The following NPFFR1 variants were observed in gnomAD, a reference collection of about 807,000 sequenced individuals.
NPFFR1 encodes neuropeptide FF receptor 1.
In NPFFR1, 17 loss-of-function variants were observed where a neutral mutation model predicts 12.7. That is an observed-to-expected ratio of 1.34 (90% confidence interval 0.92 to 2.01). The LOEUF (loss-of-function observed/expected upper bound fraction) is 2.01. Ranked by LOEUF, NPFFR1 falls within the 30% of genes most tolerant of loss-of-function variation. The pLI is 0.00. For synonymous variants in NPFFR1, 296 were observed against 264.5 expected, an observed-to-expected ratio of 1.12 and a Z score of -1.16; for missense variants, 604 against 606.5, an observed-to-expected ratio of 1.00 and a Z score of 0.04.
rs183621840 is a variant in NPFFR1 at position 70,276,683 on chromosome 10, G to A, written c.7+6987C>T. Among the ~76,000 whole-genome samples the A allele has an allele frequency of 3.2e-4, 48 of 150,646 alleles. No homozygotes were observed. In the East Asian group the frequency reaches 8.1e-3, roughly 25 times the overall value. ...GTTCACTGCAACCTTCACCTCCCGG[G>A]TTCAAGCAATGCTCCTTCCTCAGCC... On this transcript the variant is annotated intron_variant, in intron 1 of 3. Transcript: ENST00000277942.
At chr10:70,259,472 A>AGTT (rs530041895) in intron 3 of NPFFR1, among the ~76,000 whole-genome samples, 1,611 of 152,272 alleles carry the variant, frequency 0.011, 15 homozygotes, top group Non-Finnish European at 0.013. Context: ...CACTGGGAGA[A>AGTT]GTTGTACACT....
chr10:70,255,674 G>A lies in NPFFR1; in HGVS notation c.576C>T (p.Asp192=), dbSNP rs560814381. ...VTREEHHFMV[D]ARNRSYPLYS... is the part of the protein sequence containing the mutation. ...AGAGCGGGTAGGAGCGGTTGCGGGC[G>A]TCCACCATGAAGTGGTGCTCCTCAC... is the stretch of plus-strand genomic sequence containing the variant. The change falls in exon 4 of 4, where the codon GAC becomes GAT. Residue 192 remains aspartate (D), a synonymous_variant. Coordinates refer to ENST00000277942, the MANE Select transcript of NPFFR1 (RefSeq NM_022146.5). The surrounding 1 kb of genome is among the most constrained non-coding windows in gnomAD (Gnocchi z 4.2). 1.2e-6 allele frequency: 2 copies of A among 1,602,696 alleles called. No homozygotes were observed. Among genetic ancestry groups the A allele is most frequent in the South Asian group, 1.1e-5 (1 of 88,972 alleles).
rs565040322 is a variant in NPFFR1, at chr10:70,259,307, G to A, written c.422+1333C>T. On this transcript the variant is annotated intron_variant, in intron 3 of 3. Coordinates refer to ENST00000277942, the MANE Select transcript of NPFFR1 (RefSeq NM_022146.5). ...TCCCCCCTCAAAAAAAAAAAAGAAA[G>A]AAAGAAAGAAAAAGAAATCTCCAGA... Among the ~76,000 whole-genome samples the A allele has an allele frequency of 6.0e-5, 9 of 149,254 alleles. No homozygotes were observed. In the South Asian group the frequency reaches 8.4e-4, roughly 14 times the overall value.
At chr10:70,272,416 G>A (rs1320489752) in intron 1 of NPFFR1, among the ~76,000 whole-genome samples, 1 of 152,212 alleles carries the variant, frequency 6.6e-6, no homozygotes, top group Admixed American at 6.5e-5. Flanking sequence ...CTCTTCCTGA[G>A]AGGCTGCCAG....
intron 3 of NPFFR1, among the ~76,000 whole-genome samples, chr10:70,259,631 T>C (rs1840613470): frequency 6.6e-6 from 1 of 152,088 alleles, no homozygotes; most frequent in African/African-American, 2.4e-5. Context: ...AAAACTGGGC[T>C]TGAGGTGGAG....
intron 1 of NPFFR1, among the ~76,000 whole-genome samples, chr10:70,273,188 G>A (rs923736054): frequency 1.3e-5 from 2 of 152,148 alleles, no homozygotes; most frequent in African/African-American, 4.8e-5. Flanking sequence ...TCTCTACAGG[G>A]TGGTAGGGAA....
chr10:70,253,516 T>C lies in NPFFR1; in HGVS notation c.*1441A>G, dbSNP rs1264106845. On this transcript the variant is annotated 3_prime_UTR_variant, in exon 4 of 4. Coordinates refer to ENST00000277942, the MANE Select transcript of NPFFR1 (RefSeq NM_022146.5). Reference sequence around the variant, plus strand: ...TCAATCTCCTTCAACCTCATTACTATGGATTAAATGAGACGGTGTCTGGGG... The same window carrying C: ...TCAATCTCCTTCAACCTCATTACTACGGATTAAATGAGACGGTGTCTGGGG... The C allele has an allele frequency of 6.6e-6, 1 of 152,118 alleles. No individual in the cohort carries two copies. Among genetic ancestry groups the C allele is most frequent in the African/African-American group, 2.4e-5 (1 of 41,406 alleles). 9.4% of individuals were successfully genotyped at this position (152,118 alleles called of 1,614,324 possible). A position where few individuals can be genotyped will look rare whatever the true frequency, so the allele number is the denominator to read the frequency against.
At chr10:70,278,818 A>G (rs1840831190) in intron 1 of NPFFR1, among the ~76,000 whole-genome samples, 1 of 152,206 alleles carries the variant, frequency 6.6e-6, no homozygotes, top group South Asian at 2.1e-4. Context: ...TATTTAGTAA[A>G]ACGTGCACAC....
intron 1 of NPFFR1, among the ~76,000 whole-genome samples, chr10:70,273,876 G>C (rs541743044): frequency 6.6e-6 from 1 of 152,216 alleles, no homozygotes; most frequent in Admixed American, 6.5e-5. Context: ...GTCATCCATG[G>C]ACCTCCTGGG....
rs190406165 is a variant in NPFFR1, at chr10:70,248,844, A to T, written c.*6113T>A. On this transcript the variant is annotated 3_prime_UTR_variant, in exon 4 of 4. Transcript: ENST00000277942. ...TTTTGAGTTAACCAGAAATTTAATT[A>T]TTGAAATTCAATAGCATTTTGATAT... 1 of 152,144 alleles carries T rather than the reference A, an allele frequency of 6.6e-6. No individual in the cohort carries two copies. The highest frequency in any genetic ancestry group is 2.1e-4 in the South Asian group (1 of 4,828). 9.4% of individuals were successfully genotyped at this position (152,144 alleles called of 1,614,324 possible).
In NPFFR1 at chr10:70,278,370, A is replaced by G. The variant is rs149741478; in HGVS notation, c.7+5300T>C. On this transcript the variant is annotated intron_variant, in intron 1 of 3. Transcript: ENST00000277942. ...ATCTCCCCCATCTTGAATGTAAGCCATTAATTTTTTGAGACCTAAATTCAG... is the reference window on the plus strand; with the variant it reads ...ATCTCCCCCATCTTGAATGTAAGCCGTTAATTTTTTGAGACCTAAATTCAG... Among the ~76,000 whole-genome samples, 9 of 144,318 alleles carry G rather than the reference A, an allele frequency of 6.2e-5. No homozygotes were observed. In the East Asian group the frequency reaches 1.9e-3, roughly 30 times the overall value. 94.7% of individuals were successfully genotyped at this position (144,318 alleles called of 152,430 possible).
In NPFFR1 at chr10:70,252,404, A is replaced by C. The variant is rs10999211; in HGVS notation, c.*2553T>G. On this transcript the variant is annotated 3_prime_UTR_variant, in exon 4 of 4. Coordinates refer to ENST00000277942, the MANE Select transcript of NPFFR1 (RefSeq NM_022146.5). ...GGGGATGCGGTGATATTGTTTATAGATACAGAGTTGCAGTTTGGGATAATA... is the reference window on the plus strand; with the variant it reads ...GGGGATGCGGTGATATTGTTTATAGCTACAGAGTTGCAGTTTGGGATAATA... 32,430 of 152,210 alleles carry C rather than the reference A, an allele frequency of 0.21. 4,333 individuals carry two copies. Among genetic ancestry groups the C allele is most frequent in the Non-Finnish European group, 0.28 (19,139 of 67,998 alleles). 9.4% of individuals were successfully genotyped at this position (152,210 alleles called of 1,614,324 possible). A position where few individuals can be genotyped will look rare whatever the true frequency, so the allele number is the denominator to read the frequency against.
At chr10:70,266,877 C>T (rs1840698804) in intron 1 of NPFFR1, among the ~76,000 whole-genome samples, 1 of 152,100 alleles carries the variant, frequency 6.6e-6, no homozygotes, top group Non-Finnish European at 1.5e-5. Flanking sequence ...TCCCTATAGC[C>T]ACAGCCTGCT....
intron 2 of NPFFR1, among the ~76,000 whole-genome samples, chr10:70,262,911 A>T (rs1008944034): frequency 1.2e-4 from 19 of 152,174 alleles, no homozygotes; most frequent in Non-Finnish European, 2.4e-4. Flanking sequence ...TAATCCCAGC[A>T]CTTTGGGAGG....
intron 3 of NPFFR1, among the ~76,000 whole-genome samples, chr10:70,259,153 G>A (rs1248021859): frequency 6.6e-6 from 1 of 152,048 alleles, no homozygotes; most frequent in African/African-American, 2.4e-5. Context: ...ATGCATGGTG[G>A]TGCGCACCTG....
At chr10:70,269,061 A>G (rs1840725150) in intron 1 of NPFFR1, among the ~76,000 whole-genome samples, 1 of 152,164 alleles carries the variant, frequency 6.6e-6, no homozygotes, top group Admixed American at 6.5e-5. Flanking sequence ...GTTGGTCTGT[A>G]GCACTTCTGC....
chr10:70,255,026 G>A lies in NPFFR1; in HGVS notation c.1224C>T (p.His408=). The change falls in exon 4 of 4, where the codon CAC becomes CAT. Residue 408 remains histidine, a synonymous_variant. Coordinates refer to ENST00000277942, the MANE Select transcript of NPFFR1 (RefSeq NM_022146.5). The surrounding 1 kb of genome is among the most constrained non-coding windows in gnomAD (Gnocchi z 4.2). Reference sequence around the variant, plus strand: ...CAGGCCCTTCCCTGGGCAAGCCGTGGTGAGCCACCCGCCCATTCCGCAGCG... The same window carrying A: ...CAGGCCCTTCCCTGGGCAAGCCGTGATGAGCCACCCGCCCATTCCGCAGCG... ...RLPLRNGRVA[H]HGLPREGPGC... The A allele has an allele frequency of 6.9e-7, 1 of 1,441,110 alleles. No individual in the cohort carries two copies. The highest frequency in any genetic ancestry group is 9.1e-7 in the Non-Finnish European group (1 of 1,104,316). 89.3% of individuals were successfully genotyped at this position (1,441,110 alleles called of 1,614,324 possible). A position where few individuals can be genotyped will look rare whatever the true frequency, so the allele number is the denominator to read the frequency against.
chr10:70,283,547 C>T, intron 1 of NPFFR1, 123 bp downstream of exon 1: 2 of 986,992 alleles, frequency 2.0e-6, no homozygotes, highest in Non-Finnish European at 3.1e-6. Flanking sequence ...CACAGAGTGT[C>T]ACAACGTCTG....
In NPFFR1 at chr10:70,252,240, A is replaced by G. The variant is rs1589907414; in HGVS notation, c.*2717T>C. Reference sequence around the variant, plus strand: ...CTGACACATGCCACAACATGGATGAACCTTGAAGACATTGTGCTAAGTGAA... The same window carrying G: ...CTGACACATGCCACAACATGGATGAGCCTTGAAGACATTGTGCTAAGTGAA... On this transcript the variant is annotated 3_prime_UTR_variant, in exon 4 of 4. Transcript: ENST00000277942. The G allele has an allele frequency of 6.6e-6, 1 of 152,316 alleles. No homozygotes were observed. The highest frequency in any genetic ancestry group is 2.4e-5 in the African/African-American group (1 of 41,458). The allele number at this position is 152,316 out of a possible 1,614,324, so 9.4% of individuals were successfully genotyped here. A position where few individuals can be genotyped will look rare whatever the true frequency, so the allele number is the denominator to read the frequency against.
Sources: allele counts gnomAD v4.1 joint callset (sites outside exome capture counted in the v4.1 genomes callset), GRCh38; gene constraint gnomAD v4.1.1; non-coding constraint Gnocchi (gnomAD v3.1); transcripts MANE v1.5; gene names NCBI Gene and HGNC (gene_info 2026-07-23, HGNC 2026-07-21).